The following SCUBE3 variants were observed in gnomAD, a reference collection of about 807,000 sequenced individuals.
SCUBE3 encodes the protein signal peptide, CUB domain and EGF like domain containing 3, also known as signal peptide, CUB and EGF-like domain-containing protein 3.
In SCUBE3, 33 loss-of-function variants were observed where a neutral mutation model predicts 116.8. The ratio of observed to expected loss-of-function variants is 0.28; its 90% CI spans 0.21 to 0.38. The LOEUF (loss-of-function observed/expected upper bound fraction) is 0.38, where lower values mean the gene tolerates loss of function less well. Ranked by LOEUF, SCUBE3 falls within the 10% of genes least tolerant of loss-of-function variation. The pLI, the probability that SCUBE3 is intolerant of heterozygous loss-of-function variation, is 1.00. For missense variants in SCUBE3, 1,007 were observed against 1,324.8 expected (o/e 0.76, Z 3.72); for synonymous variants, 418 against 496.9 (o/e 0.84, Z 2.11).
chr6:35,248,430 A>T, intron 21 of SCUBE3, 126 bp from the exon 22 acceptor site: 1 of 836,874 alleles, frequency 1.2e-6, no homozygotes, highest in Non-Finnish European at 2.0e-6. Context: ...GGGAATCCAG[A>T]GTTGCCCTCT....
chr6:35,228,596 G>C lies in SCUBE3; in HGVS notation c.209-18G>C, dbSNP rs776495258. On this transcript the variant is annotated intron_variant, in intron 2 of 21. Transcript: ENST00000274938. The surrounding 1 kb of genome is among the most constrained non-coding windows in gnomAD (Gnocchi z 4.9). ...TTCGCAGGTGGGTTCAGCTGTCTCA[G>C]CTTCCCTTTGCCCACAGACGTGGAT... is the stretch of plus-strand genomic sequence containing the variant. The C allele has an allele frequency of 1.2e-6, 2 of 1,613,050 alleles. No individual in the cohort carries two copies. The highest frequency in any genetic ancestry group is 1.7e-6 in the Non-Finnish European group (2 of 1,179,404).
chr6:35,215,937 TTG>T (rs746361497), intron 1 of SCUBE3, among the ~76,000 whole-genome samples: 10 of 152,214 alleles, frequency 6.6e-5, no homozygotes, highest in Non-Finnish European at 1.2e-4. Flanking sequence ...CACTGTGGAT[TTG>T]TGTTTTCATA....
rs749375994 is a variant in SCUBE3 at position 35,241,860 on chromosome 6, C to T, written c.1367C>T (p.Pro456Leu). ...SCGTPSPRAA[P>L]ARAGHNGNST... ...GGGACCCCCAGCCCCAGGGCTGCTC[C>T]AGCCCGAGCTGGCCACAATGGGAAC... Residue 456 changes from proline to leucine, a missense_variant, in exon 12 of 22, where the codon CCA becomes CTA. Pro to Leu is a moderately conservative substitution (Grantham distance 98). Around this residue, in one of 5 missense-constraint regions of SCUBE3, gnomAD observed 544 missense variants for 638.9 expected, o/e 0.85. Transcript: ENST00000274938. This position sits in a 1 kb window ranked among gnomAD's most constrained non-coding sequence, Gnocchi z 4.1. 5.6e-6 allele frequency: 9 copies of T among 1,612,364 alleles called. No individual in the cohort carries two copies. Among genetic ancestry groups the T allele is most frequent in the African/African-American group, 2.7e-5 (2 of 74,928 alleles).
At chr6:35,238,116 A>T in intron 7 of SCUBE3, 98 bp downstream of exon 7, 1 of 649,762 alleles carries the variant, frequency 1.5e-6, no homozygotes. Context: ...CACCTCCTCA[A>T]CCTCCTTCTT....
At position 35,239,155 on chromosome 6, in the gene SCUBE3, C is replaced by T. The variant is rs775772394; in HGVS notation, c.830-597C>T. On this transcript the variant is annotated intron_variant, in intron 7 of 21. Transcript: ENST00000274938. The surrounding 1 kb of genome is among the most constrained non-coding windows in gnomAD (Gnocchi z 4.1). ...TGAGTCTCTCCAGATCTCTCCCAGT[C>T]CAGCCCCTTGCCTGGCCCCCAGCCC... Among the ~76,000 whole-genome samples, 21 of 152,110 alleles carry T rather than the reference C, an allele frequency of 1.4e-4. No homozygotes were observed. The highest frequency in any genetic ancestry group is 2.9e-4 in the Non-Finnish European group (20 of 68,014).
intron 1 of SCUBE3, among the ~76,000 whole-genome samples, chr6:35,217,941 C>T (rs967098920): frequency 6.6e-5 from 10 of 152,128 alleles, no homozygotes; most frequent in Non-Finnish European, 1.3e-4. Flanking sequence ...TGGGGAAAGC[C>T]TCGGGGTGGG....
In SCUBE3 at chr6:35,239,765, C is replaced by T. The variant is rs772045064; in HGVS notation, c.843C>T (p.Cys281=). The T allele has an allele frequency of 1.2e-6, 2 of 1,611,704 alleles. No individual in the cohort carries two copies. Among genetic ancestry groups the T allele is most frequent in the South Asian group, 2.2e-5 (2 of 90,534 alleles). The part of the protein sequence containing the change: ...DRKTCKDIDE[C]RLNNGGCDHI... The stretch of plus-strand genomic sequence containing the variant: ...CTCCTTCTTCAGATATAGATGAGTG[C>T]CGCTTAAACAACGGGGGCTGTGACC... The change falls in exon 8 of 22, where the codon TGC becomes TGT. Residue 281 remains cysteine (C), a synonymous_variant. Coordinates refer to ENST00000274938, the MANE Select transcript of SCUBE3 (RefSeq NM_152753.4). The surrounding 1 kb of genome is among the most constrained non-coding windows in gnomAD (Gnocchi z 4.1).
At position 35,242,337 on chromosome 6, in the gene SCUBE3, C is replaced by T. The variant is rs370073647; in HGVS notation, c.1534+17C>T. ...CAGGGCCAGGTTTGGACTGGGGACC[C>T]CATTCCAGTTGGCTGTCTGGCCACT... On this transcript the variant is annotated intron_variant, in intron 13 of 21. Coordinates refer to ENST00000274938, the MANE Select transcript of SCUBE3 (RefSeq NM_152753.4). The T allele has an allele frequency of 2.5e-5, 39 of 1,552,800 alleles. No homozygotes were observed. The highest frequency in any genetic ancestry group is 3.4e-5 in the Non-Finnish European group (38 of 1,124,588).
Position 35,241,548 on chromosome 6 carries a change from C to T in SCUBE3, c.1201C>T (p.Leu401=), listed in dbSNP as rs141310659. The stretch of plus-strand genomic sequence containing the variant: ...GGCCTCTCTCCCCTTCCTAGAGCCA[C>T]TGAAGTGTCAGGGCAGTCCTGGGGC... ...HWNGKDCTEP[L]KCQGSPGASK... The change falls in exon 11 of 22, where the codon CTG becomes TTG. Residue 401 remains leucine (L), a synonymous_variant. Coordinates refer to ENST00000274938, the MANE Select transcript of SCUBE3 (RefSeq NM_152753.4). The surrounding 1 kb of genome is among the most constrained non-coding windows in gnomAD (Gnocchi z 4.1). 3 of 1,611,208 alleles carry T rather than the reference C, an allele frequency of 1.9e-6. No individual in the cohort carries two copies. Among genetic ancestry groups the T allele is most frequent in the African/African-American group, 1.3e-5 (1 of 74,864 alleles).
rs1783638259 is a variant in SCUBE3, at chr6:35,233,555, C to A, written c.712+254C>A. 6.6e-6 allele frequency among the ~76,000 whole-genome samples: 1 copy of A among 152,244 alleles called. No individual in the cohort carries two copies. The highest frequency in any genetic ancestry group is 2.4e-5 in the African/African-American group (1 of 41,466). On this transcript the variant is annotated intron_variant, in intron 6 of 21. Transcript: ENST00000274938. The surrounding 1 kb of genome is among the most constrained non-coding windows in gnomAD (Gnocchi z 5.7). ...GTTCCAGGAGCCTCACCACCCTCTT[C>A]ATCCCAGGACAAAGTGTTGCCAAAC...
intron 1 of SCUBE3, among the ~76,000 whole-genome samples, chr6:35,218,359 C>T (rs1783003990): frequency 6.6e-6 from 1 of 152,068 alleles, no homozygotes; most frequent in Admixed American, 6.5e-5. Flanking sequence ...ATGGCTTGGT[C>T]CAGTGCCTTG....
At position 35,243,893 on chromosome 6, in the gene SCUBE3, G is replaced by A. The variant is rs571368720; in HGVS notation, c.2072-70G>A. The A allele has an allele frequency of 6.5e-7, 1 of 1,540,520 alleles. No homozygotes were observed. The highest frequency in any genetic ancestry group is 1.6e-5 in the African/African-American group (1 of 63,250). On this transcript the variant is annotated intron_variant, in intron 16 of 21. Transcript: ENST00000274938. The surrounding 1 kb of genome is among the most constrained non-coding windows in gnomAD (Gnocchi z 6.6). Reference sequence around the variant, plus strand: ...TCCTGTTTGTATACCTTTGTCCCCTGAGATCGGGTGACCCCATGGGGATGA... The same window carrying A: ...TCCTGTTTGTATACCTTTGTCCCCTAAGATCGGGTGACCCCATGGGGATGA...
Position 35,231,668 on chromosome 6 carries a change from A to T in SCUBE3, c.335-57A>T. 2 of 1,496,766 alleles carry T rather than the reference A, an allele frequency of 1.3e-6. No individual in the cohort carries two copies. The highest frequency in any genetic ancestry group is 1.8e-4 in the Middle Eastern group (1 of 5,658). The allele number at this position is 1,496,766 out of a possible 1,614,324, so 92.7% of individuals were successfully genotyped here. A position where few individuals can be genotyped will look rare whatever the true frequency, so the allele number is the denominator to read the frequency against. On this transcript the variant is annotated intron_variant, in intron 3 of 21. Coordinates refer to ENST00000274938, the MANE Select transcript of SCUBE3 (RefSeq NM_152753.4). This position sits in a 1 kb window ranked among gnomAD's most constrained non-coding sequence, Gnocchi z 4.2. ...CTGCCTTTGGTGCTGAAGTCTTGGGATATACCCTGGACCCTGCCTGTACCC... is the reference window on the plus strand; with the variant it reads ...CTGCCTTTGGTGCTGAAGTCTTGGGTTATACCCTGGACCCTGCCTGTACCC...
chr6:35,226,239 G>A (rs563723429), intron 1 of SCUBE3, among the ~76,000 whole-genome samples: 3 of 152,282 alleles, frequency 2.0e-5, no homozygotes, highest in East Asian at 3.9e-4. Context: ...GATGTGCAGG[G>A]TGGAGGACCC....
In SCUBE3 at chr6:35,243,523, G is replaced by A; in HGVS notation, c.1910-71G>A. The A allele has an allele frequency of 7.2e-7, 1 of 1,382,524 alleles. No homozygotes were observed. Among genetic ancestry groups the A allele is most frequent in the Middle Eastern group, 2.3e-4 (1 of 4,398 alleles). The allele number at this position is 1,382,524 out of a possible 1,614,324, so 85.6% of individuals were successfully genotyped here. ...AATCGGGGGTTGTGGCGGGGAGTGG[G>A]AAGGGGAGTCCCAGGCCTGGGTGGT... On this transcript the variant is annotated intron_variant, in intron 15 of 21. Transcript: ENST00000274938. This position sits in a 1 kb window ranked among gnomAD's most constrained non-coding sequence, Gnocchi z 6.6.
chr6:35,239,716 T>C lies in SCUBE3; in HGVS notation c.830-36T>C, dbSNP rs920186715. ...CTCCTTGTTTGTTCTCAGCCTTTGA[T>C]AGTATCTTTTATCCTGTTTTGTCCT... On this transcript the variant is annotated intron_variant, in intron 7 of 21. Coordinates refer to ENST00000274938, the MANE Select transcript of SCUBE3 (RefSeq NM_152753.4). This position sits in a 1 kb window ranked among gnomAD's most constrained non-coding sequence, Gnocchi z 4.1. 4 of 1,601,816 alleles carry C rather than the reference T, an allele frequency of 2.5e-6. No homozygotes were observed. Among genetic ancestry groups the C allele is most frequent in the African/African-American group, 1.3e-5 (1 of 74,138 alleles).
chr6:35,245,351 T>C lies in SCUBE3; in HGVS notation c.2525T>C (p.Ile842Thr), dbSNP rs1784287814. 1.2e-6 allele frequency: 2 copies of C among 1,613,980 alleles called. No individual in the cohort carries two copies. The highest frequency in any genetic ancestry group is 1.7e-5 in the Admixed American group (1 of 59,990). ...ATCAACCCCCCACCCAAGCGCAAGA[T>C]CCTTATCGTGGTACCAGAGATCTTC... ...WNINPPPKRK[I>T]LIVVPEIFLP... The change falls in exon 19 of 22, where the codon ATC becomes ACC. Residue 842 changes from isoleucine to threonine, a missense_variant. This residue lies in a region of SCUBE3 where 118 missense variants were observed against 196.6 expected (regional missense o/e 0.60). Coordinates refer to ENST00000274938, the MANE Select transcript of SCUBE3 (RefSeq NM_152753.4). This position sits in a 1 kb window ranked among gnomAD's most constrained non-coding sequence, Gnocchi z 4.2.
chr6:35,242,504 C>G (rs1784118204), intron 13 of SCUBE3, 118 bp from the exon 14 acceptor site: 1 of 1,057,922 alleles, frequency 9.5e-7, no homozygotes, highest in Non-Finnish European at 1.4e-6. Flanking sequence ...TAATTAGGAC[C>G]CTAGACTAAA....
Position 35,232,945 on chromosome 6 carries a change from G to C in SCUBE3, c.565G>C (p.Glu189Gln). ...TGCCTGTGAATGCCGTCCTGGCTTT[G>C]AGCTTACCAAGAACCAACGGGACTG... Reference protein sequence around the residue: ...GIACECRPGFELTKNQRDCKL... With the variant: ...GIACECRPGFQLTKNQRDCKL... The change falls in exon 5 of 22, where the codon GAG becomes CAG. Residue 189 changes from glutamate (E) to glutamine (Q), a missense_variant. Glu to Gln is a conservative substitution (Grantham distance 29). This residue lies in a region of SCUBE3 where 214 missense variants were observed against 316.7 expected (regional missense o/e 0.68). Transcript: ENST00000274938. This position sits in a 1 kb window ranked among gnomAD's most constrained non-coding sequence, Gnocchi z 4.2. The C allele has an allele frequency of 6.2e-7, 1 of 1,614,208 alleles. No homozygotes were observed. The highest frequency in any genetic ancestry group is 8.5e-7 in the Non-Finnish European group (1 of 1,180,026).
Sources: gnomAD v4.1 joint callset for allele counts (sites outside exome capture counted in the v4.1 genomes callset) on GRCh38, gnomAD v4.1.1 for gene constraint, gnomAD v4.1.1 regional missense constraint, Gnocchi (gnomAD v3.1) non-coding constraint, MANE v1.5 for transcripts, NCBI Gene and HGNC (gene_info 2026-07-23, HGNC 2026-07-21) for gene names.